COL11A1: variants seen among roughly 807,000 people sequenced by gnomAD.
The protein encoded by COL11A1 is collagen type XI alpha 1 chain.
A neutral mutation model predicts 265.2 loss-of-function variants in COL11A1; 74 were observed. The ratio of observed to expected loss-of-function variants is 0.28; its 90% CI spans 0.23 to 0.34. The LOEUF is 0.34. COL11A1 is among the 10% of genes least tolerant of loss of function. The pLI is 1.00. For synonymous variants in COL11A1, 816 were observed against 727.6 expected, an observed-to-expected ratio of 1.12 and a Z score of -1.96; for missense variants, 2,165 against 2,263.6, an observed-to-expected ratio of 0.96 and a Z score of 0.88.
chr1:102,934,785 A>G (rs191017122), intron 45 of COL11A1, among the ~76,000 whole-genome samples: 15 of 152,342 alleles, frequency 9.8e-5, no homozygotes, highest in African/African-American at 3.6e-4. Context: ...ATACCAAGTG[A>G]AGTAAAAGCT....
intron 37 of COL11A1, among the ~76,000 whole-genome samples, chr1:102,967,280 G>C (rs1184808315): frequency 1.9e-5 from 2 of 105,538 alleles, no homozygotes; most frequent in Non-Finnish European, 3.4e-5. Context: ...TCGCTCTGTC[G>C]CCCAGGCTGG....
chr1:103,015,781 C>A, intron 11 of COL11A1, 39 bp from the exon 12 acceptor site: 1 of 1,319,250 alleles, frequency 7.6e-7, no homozygotes, highest in South Asian at 1.3e-5. Flanking sequence ...AAATAAATAT[C>A]AAAATAATAT....
chr1:103,017,879 T>TTA lies in COL11A1; in HGVS notation c.1353_1354insTA (p.Ile452Ter). On this transcript the variant is annotated frameshift_variant, in exon 11 of 67. Transcript: ENST00000370096. LOFTEE classifies it high-confidence loss of function. ...CCTTGTAGACCTGGAGGACCCATAA[T>TTA]ACCCTATAGAGAAACACACCATATC... 6.2e-7 allele frequency: 1 copy of TTA among 1,612,356 alleles called. No individual in the cohort carries two copies.
chr1:103,052,141 G>T lies in COL11A1; in HGVS notation c.652-20897C>A, dbSNP rs527383172. ...CCTTTTCTCCATTTATTCTGCTATGGCCTTGTCTCTACTCTAAGTACCTTT... is the reference window on the plus strand; with the variant it reads ...CCTTTTCTCCATTTATTCTGCTATGTCCTTGTCTCTACTCTAAGTACCTTT... On this transcript the variant is annotated intron_variant, in intron 4 of 66. Transcript: ENST00000370096. Among the ~76,000 whole-genome samples the T allele has an allele frequency of 3.3e-5, 3 of 92,284 alleles. No individual in the cohort carries two copies. The South Asian group carries it at 2.0e-3, about 62-fold the overall frequency. 60.5% of individuals were successfully genotyped at this position (92,284 alleles called of 152,430 possible). A position where few individuals can be genotyped will look rare whatever the true frequency, so the allele number is the denominator to read the frequency against.
At chr1:103,090,122 AAAATAAAT>A (rs545742023) in intron 1 of COL11A1, among the ~76,000 whole-genome samples, 6 of 151,658 alleles carry the variant, frequency 4.0e-5, no homozygotes, top group African/African-American at 9.7e-5. Flanking sequence ...GCTTTGTCTC[AAAATAAAT>A]AAATAAATAA....
intron 5 of COL11A1, among the ~76,000 whole-genome samples, chr1:103,028,447 A>G (rs1242878560): frequency 2.0e-5 from 3 of 152,160 alleles, no homozygotes; most frequent in Non-Finnish European, 4.4e-5. Flanking sequence ...TTCGCAATAT[A>G]TATACATTGC....
intron 1 of COL11A1, among the ~76,000 whole-genome samples, chr1:103,091,805 A>G: frequency 6.6e-6 from 1 of 152,094 alleles, no homozygotes; most frequent in East Asian, 1.9e-4. Flanking sequence ...AAAACTGCGT[A>G]TTTCATATTC....
intron 46 of COL11A1, among the ~76,000 whole-genome samples, chr1:102,924,628 A>G (rs1355489332): frequency 6.6e-6 from 1 of 152,232 alleles, no homozygotes; most frequent in African/African-American, 2.4e-5. Context: ...AATGAACTCT[A>G]AGAAAATAAA....
chr1:103,057,277 T>C (rs1289770335), intron 4 of COL11A1, among the ~76,000 whole-genome samples: 1 of 152,192 alleles, frequency 6.6e-6, no homozygotes, highest in Admixed American at 6.5e-5. Flanking sequence ...TATTTCCTTA[T>C]CCATAAGAAG....
intron 37 of COL11A1, among the ~76,000 whole-genome samples, chr1:102,965,874 T>C (rs539951283): frequency 6.6e-6 from 1 of 152,294 alleles, no homozygotes; most frequent in African/African-American, 2.4e-5. Context: ...AAATGATGAT[T>C]TAGACATTCT....
At position 102,935,110 on chromosome 1, in the gene COL11A1, G is replaced by A. The variant is rs764581778; in HGVS notation, c.3442C>T (p.Pro1148Ser). The change falls in exon 45 of 67, where the codon CCT (proline) becomes TCT (serine). Residue 1148 changes from proline (P) to serine (S), a missense_variant. Coordinates refer to ENST00000370096, the MANE Select transcript of COL11A1 (RefSeq NM_001854.4). The part of the protein sequence containing the change: ...GSKGDKGENG[P>S]PGPPGLQGPV... Reference sequence around the variant, plus strand: ...CCTTGAAGACCTGGGGGACCGGGAGGGCCCTGCAGTGAGATAAAAATAAGT... The same window carrying A: ...CCTTGAAGACCTGGGGGACCGGGAGAGCCCTGCAGTGAGATAAAAATAAGT... 1.2e-6 allele frequency: 2 copies of A among 1,613,724 alleles called. No homozygotes were observed. Among genetic ancestry groups the A allele is most frequent in the East Asian group, 4.5e-5 (2 of 44,870 alleles).
intron 57 of COL11A1, 54 bp downstream of exon 57, chr1:102,898,067 TAAAC>T (rs1322694008): frequency 9.0e-7 from 1 of 1,106,690 alleles, no homozygotes; most frequent in African/African-American, 1.6e-5. Flanking sequence ...TTCTAGCTAA[TAAAC>T]AATTTTGTTT....
In COL11A1 at chr1:103,006,913, G is replaced by A. The variant is rs2622879; in HGVS notation, c.1684-598C>T. ...ACACATTTTATTCCCCAAACCTTGG[G>A]GTTTTACATTTCCCTTGATGGAACA... On this transcript the variant is annotated intron_variant, in intron 15 of 66. Coordinates refer to ENST00000370096, the MANE Select transcript of COL11A1 (RefSeq NM_001854.4). Among the ~76,000 whole-genome samples the A allele has an allele frequency of 3.1e-3, 468 of 152,020 alleles. 3 individuals carry two copies. The highest frequency in any genetic ancestry group is 0.011 in the African/African-American group (450 of 41,488).
At chr1:103,057,644 C>A (rs1481089571) in intron 4 of COL11A1, among the ~76,000 whole-genome samples, 2 of 152,106 alleles carry the variant, frequency 1.3e-5, no homozygotes, top group Non-Finnish European at 2.9e-5. Context: ...GTTGTGTTAG[C>A]AAGCATGAAA....
intron 48 of COL11A1, 110 bp from the exon 49 acceptor site, chr1:102,920,474 T>G: frequency 1.1e-6 from 1 of 907,526 alleles, no homozygotes; most frequent in Non-Finnish European, 1.8e-6. Context: ...ATGAGTATTC[T>G]TAGTCATTTA....
At chr1:103,034,468 T>C (rs1668211284) in intron 4 of COL11A1, among the ~76,000 whole-genome samples, 1 of 152,146 alleles carries the variant, frequency 6.6e-6, no homozygotes, top group African/African-American at 2.4e-5. Flanking sequence ...AAATTCTTTG[T>C]TGAACTTCTC....
At chr1:102,981,938 A>C (rs946830279) in intron 31 of COL11A1, among the ~76,000 whole-genome samples, 1 of 151,776 alleles carries the variant, frequency 6.6e-6, no homozygotes, top group African/African-American at 2.4e-5. Context: ...CTTGAAAGAG[A>C]CTGGTAAAGG....
At position 102,935,129 on chromosome 1, in the gene COL11A1, A is replaced by C; in HGVS notation, c.3439-16T>G. 2 of 1,612,210 alleles carry C rather than the reference A, an allele frequency of 1.2e-6. No individual in the cohort carries two copies. Among genetic ancestry groups the C allele is most frequent in the Non-Finnish European group, 1.7e-6 (2 of 1,178,778 alleles). On this transcript the variant is annotated splice_polypyrimidine_tract_variant and intron_variant, in intron 44 of 66. Coordinates refer to ENST00000370096, the MANE Select transcript of COL11A1 (RefSeq NM_001854.4). ...CGGGAGGGCCCTGCAGTGAGATAAA[A>C]ATAAGTAATTTTTAAAGTGAAGCCA...
rs1651446693 is a variant in COL11A1 at position 102,889,399 on chromosome 1, G to GTGTGTGTGTA, written c.4464+55_4464+56insTACACACACA. Reference sequence around the variant, plus strand: ...CTTAAAGGACTGTGTGTGTGTGTGTGTGTGTGTGTGTATTATTGGAAATGA... The same window carrying GTGTGTGTGTA: ...CTTAAAGGACTGTGTGTGTGTGTGTGTGTGTGTGTATGTGTGTGTGTATTATTGGAAATGA... On this transcript the variant is annotated intron_variant, in intron 59 of 66. Coordinates refer to ENST00000370096, the MANE Select transcript of COL11A1 (RefSeq NM_001854.4). 4 of 1,021,860 alleles carry GTGTGTGTGTA rather than the reference G, an allele frequency of 3.9e-6. No homozygotes were observed. In the South Asian group the frequency reaches 5.0e-5, roughly 13 times the overall value. The allele number at this position is 1,021,860 out of a possible 1,614,324, so 63.3% of individuals were successfully genotyped here. A position where few individuals can be genotyped will look rare whatever the true frequency, so the allele number is the denominator to read the frequency against.
Sources: allele counts gnomAD v4.1 joint callset (sites outside exome capture counted in the v4.1 genomes callset), GRCh38; gene constraint gnomAD v4.1.1; transcripts MANE v1.5; gene names NCBI Gene and HGNC (gene_info 2026-07-23, HGNC 2026-07-21).